Variants in CADM2 observed in about 807,000 individuals in gnomAD.
CADM2 encodes the protein cell adhesion molecule 2.
CADM2 carries 12 observed loss-of-function variants against 49.8 expected under a neutral mutation model. That is an observed-to-expected ratio of 0.24 (90% CI 0.15 to 0.39). The LOEUF is 0.39. CADM2 is among the 10% of genes least tolerant of loss of function. The pLI, the probability that CADM2 is intolerant of heterozygous loss-of-function variation, is 1.00. For missense variants in CADM2, 378 were observed against 492.3 expected, an observed-to-expected ratio of 0.77 and a Z score of 2.20; for synonymous variants, 214 against 175.4, an observed-to-expected ratio of 1.22 and a Z score of -1.74.
At chr3:85,822,616 T>C (rs886196620) in intron 3 of CADM2, among the ~76,000 whole-genome samples, 6 of 151,886 alleles carry the variant, frequency 4.0e-5, no homozygotes, top group African/African-American at 1.2e-4. Flanking sequence ...AAAATAAAAT[T>C]GTATCCAAAA....
At chr3:85,872,391 C>A (rs911153532) in intron 3 of CADM2, among the ~76,000 whole-genome samples, 2 of 151,698 alleles carry the variant, frequency 1.3e-5, no homozygotes, top group Non-Finnish European at 2.9e-5. Context: ...ACAATGTGTT[C>A]TTTTATTGTG....
At chr3:85,226,770 T>A (rs2042172478) in intron 1 of CADM2, among the ~76,000 whole-genome samples, 1 of 152,334 alleles carries the variant, frequency 6.6e-6, no homozygotes, top group African/African-American at 2.4e-5. Context: ...CATTTAGTGC[T>A]ATAAATTTCC....
rs1010609821 is a variant in CADM2 at position 85,929,414 on chromosome 3, CT to C, written c.701-6345del. On this transcript the variant is annotated intron_variant, in intron 6 of 9. Transcript: ENST00000383699. Reference sequence around the variant, plus strand: ...AACATATTCACAGAAAAAATACAAACTTTTTTTTCTAAATCTAGTAGATAAC... The same window carrying C: ...AACATATTCACAGAAAAAATACAAACTTTTTTTCTAAATCTAGTAGATAAC... Among the ~76,000 whole-genome samples the C allele has an allele frequency of 1.8e-4, 27 of 151,782 alleles. No individual in the cohort carries two copies. In the East Asian group the frequency reaches 3.5e-3, roughly 20 times the overall value.
At chr3:84,963,783 AC>A (rs2030752194) in intron 1 of CADM2, among the ~76,000 whole-genome samples, 1 of 152,168 alleles carries the variant, frequency 6.6e-6, no homozygotes, top group African/African-American at 2.4e-5. Flanking sequence ...TGAAATACTT[AC>A]GCTTCCTAAA....
At chr3:84,986,610 G>T (rs567750924) in intron 1 of CADM2, among the ~76,000 whole-genome samples, 2 of 151,846 alleles carry the variant, frequency 1.3e-5, no homozygotes, top group Non-Finnish European at 2.9e-5. Flanking sequence ...TTGTGGGGTG[G>T]GGGGAGCGGG....
At chr3:85,863,521 T>A (rs2075614784) in intron 3 of CADM2, among the ~76,000 whole-genome samples, 1 of 152,182 alleles carries the variant, frequency 6.6e-6, no homozygotes, top group Non-Finnish European at 1.5e-5. Flanking sequence ...TGCAGGAGTT[T>A]GGTTCTCTTT....
chr3:85,170,772 G>T (rs2107684273), intron 1 of CADM2, among the ~76,000 whole-genome samples: 1 of 152,318 alleles, frequency 6.6e-6, no homozygotes, highest in African/African-American at 2.4e-5. Flanking sequence ...ACTTGGCTCA[G>T]ACAGCTCTCA....
At chr3:85,607,002 G>T (rs1462814178) in intron 1 of CADM2, among the ~76,000 whole-genome samples, 5 of 152,032 alleles carry the variant, frequency 3.3e-5, no homozygotes, top group Non-Finnish European at 5.9e-5. Flanking sequence ...TATTGACATT[G>T]TATAAGTATT....
chr3:85,039,815 T>C (rs939130651), intron 1 of CADM2, among the ~76,000 whole-genome samples: 3 of 152,214 alleles, frequency 2.0e-5, no homozygotes, highest in Non-Finnish European at 4.4e-5. Context: ...TGAGCTCCTA[T>C]TACTTGCTAC....
chr3:85,290,817 A>G (rs2043770188), intron 1 of CADM2, among the ~76,000 whole-genome samples: 1 of 152,352 alleles, frequency 6.6e-6, no homozygotes, highest in South Asian at 2.1e-4. Flanking sequence ...CCAAAAGTAG[A>G]TAAAACCACA....
intron 1 of CADM2, among the ~76,000 whole-genome samples, chr3:85,064,371 C>G (rs1255746538): frequency 2.6e-5 from 4 of 152,040 alleles, no homozygotes; most frequent in Non-Finnish European, 5.9e-5. Context: ...TTTGATTTTG[C>G]CCCAAAATGA....
intron 6 of CADM2, among the ~76,000 whole-genome samples, chr3:85,915,625 T>G (rs1010855569): frequency 2.0e-5 from 3 of 151,950 alleles, no homozygotes; most frequent in African/African-American, 4.8e-5. Context: ...TGCACTTAGA[T>G]CCACATGTGC....
At chr3:85,928,238 A>G (rs1418654700) in intron 6 of CADM2, among the ~76,000 whole-genome samples, 6 of 149,278 alleles carry the variant, frequency 4.0e-5, no homozygotes, top group Non-Finnish European at 8.9e-5. Flanking sequence ...GGCTCACTGT[A>G]ACCTCCGCCT....
chr3:85,960,380 T>A (rs201326120), intron 7 of CADM2, among the ~76,000 whole-genome samples: 4 of 151,892 alleles, frequency 2.6e-5, no homozygotes, highest in East Asian at 3.9e-4. Context: ...AGAAAATGAT[T>A]CCATGTGATA....
chr3:85,467,664 A>G (rs2107602189), intron 1 of CADM2, among the ~76,000 whole-genome samples: 1 of 152,312 alleles, frequency 6.6e-6, no homozygotes, highest in East Asian at 1.9e-4. Flanking sequence ...ATTCTAAAGA[A>G]ATTACTAATT....
intron 6 of CADM2, among the ~76,000 whole-genome samples, chr3:85,930,654 A>G (rs1302512532): frequency 6.6e-6 from 1 of 151,978 alleles, no homozygotes; most frequent in Non-Finnish European, 1.5e-5. Context: ...CTCTATGATT[A>G]CGAGTTGAAT....
intron 1 of CADM2, among the ~76,000 whole-genome samples, chr3:85,156,581 T>A (rs2040131711): frequency 6.6e-6 from 1 of 152,302 alleles, no homozygotes; most frequent in Non-Finnish European, 1.5e-5. Flanking sequence ...TCTGAAACTA[T>A]TCGAATCAAT....
intron 8 of CADM2, among the ~76,000 whole-genome samples, chr3:86,018,441 A>C (rs1732626576): frequency 1.3e-5 from 2 of 151,808 alleles, no homozygotes; most frequent in Admixed American, 1.3e-4. Context: ...TAGATCCCTG[A>C]GGAATCGCCA....
chr3:85,595,260 G>A (rs1014403144), intron 1 of CADM2, among the ~76,000 whole-genome samples: 1 of 151,888 alleles, frequency 6.6e-6, no homozygotes, highest in Non-Finnish European at 1.5e-5. Flanking sequence ...GGTGCCCTAA[G>A]GTTCACCTTT....
Sources: allele counts gnomAD v4.1 joint callset (sites outside exome capture counted in the v4.1 genomes callset), GRCh38; gene constraint gnomAD v4.1.1; transcripts MANE v1.5; gene names NCBI Gene and HGNC (gene_info 2026-07-23, HGNC 2026-07-21).